TTLL5: variants seen among roughly 807,000 people sequenced by gnomAD.
TTLL5 encodes the protein tubulin polyglutamylase TTLL5.
Under a neutral mutation model 168.4 loss-of-function variants are expected in TTLL5, and 132 were observed. The ratio of observed to expected loss-of-function variants is 0.78; its 90% CI spans 0.68 to 0.91. TTLL5 has a LOEUF of 0.91. Among genes scored for constraint, TTLL5 ranks in the 40% least tolerant of loss-of-function variants. The pLI, the probability that TTLL5 is intolerant of heterozygous loss-of-function variation, is 0.00. For missense variants in TTLL5, 1,545 were observed against 1,581.5 expected (o/e 0.98, Z 0.39); for synonymous variants, 546 against 558.6 (o/e 0.98, Z 0.32).
chr14:75,938,101 G>A (rs2140185798), intron 31 of TTLL5, among the ~76,000 whole-genome samples: 1 of 152,298 alleles, frequency 6.6e-6, no homozygotes, highest in Middle Eastern at 3.4e-3. Context: ...TTAAACATTG[G>A]TAACTGAGAT....
At chr14:75,888,073 G>A (rs2032206757) in intron 30 of TTLL5, among the ~76,000 whole-genome samples, 1 of 152,146 alleles carries the variant, frequency 6.6e-6, no homozygotes, top group Non-Finnish European at 1.5e-5. Flanking sequence ...AGGGCCTGAG[G>A]GTAGAAAGGA....
chr14:75,811,778 C>T (rs1377752266), intron 27 of TTLL5, among the ~76,000 whole-genome samples: 1 of 152,196 alleles, frequency 6.6e-6, no homozygotes. Context: ...AAACCCTCTT[C>T]ACATACCAAA....
rs2034057473 is a variant in TTLL5, at chr14:75,926,156, C to CTTTTTTTGCTTTTTTT, written c.3823+23939_3823+23940insGCTTTTTTTTTTTTTT. 1.3e-4 allele frequency among the ~76,000 whole-genome samples: 4 copies of CTTTTTTTGCTTTTTTT among 29,952 alleles called. No homozygotes were observed. In the East Asian group the frequency reaches 5.3e-3, roughly 40 times the overall value. The allele number at this position is 29,952 out of a possible 152,430, so 19.6% of individuals were successfully genotyped here. Reference sequence around the variant, plus strand: ...TTAAAGACTAGGATTGCAACCCCAGCTTTTTTTTTTTTTTTTTTTTTTTTT... The same window carrying CTTTTTTTGCTTTTTTT: ...TTAAAGACTAGGATTGCAACCCCAGCTTTTTTTGCTTTTTTTTTTTTTTTTTTTTTTTTTTTTTTTT... On this transcript the variant is annotated intron_variant, in intron 31 of 31. Coordinates refer to ENST00000298832, the MANE Select transcript of TTLL5 (RefSeq NM_015072.5).
At position 75,690,857 on chromosome 14, in the gene TTLL5, G is replaced by A. The variant is rs1439644687; in HGVS notation, c.502+535G>A. Among the ~76,000 whole-genome samples, 4 of 152,064 alleles carry A rather than the reference G, an allele frequency of 2.6e-5. No homozygotes were observed. The South Asian group carries it at 8.3e-4, about 32-fold the overall frequency. On this transcript the variant is annotated intron_variant, in intron 6 of 31. Transcript: ENST00000298832. Reference sequence around the variant, plus strand: ...CTGGTCTTGAACACCTGGGCTCAAAGGATCCTCCACTCTTGGCTTCGCAAA... The same window carrying A: ...CTGGTCTTGAACACCTGGGCTCAAAAGATCCTCCACTCTTGGCTTCGCAAA...
intron 5 of TTLL5, chr14:75,689,425 A>G (rs968048721): frequency 2.6e-5 from 4 of 152,256 alleles, no homozygotes; most frequent in African/African-American, 9.6e-5. Flanking sequence ...TTGTACAGCA[A>G]TAAATAACTA....
intron 12 of TTLL5, among the ~76,000 whole-genome samples, chr14:75,730,557 A>G (rs995250815): frequency 6.6e-5 from 10 of 152,196 alleles, no homozygotes; most frequent in Admixed American, 3.3e-4. Flanking sequence ...GAGGATTTAG[A>G]ATATGAATGT....
At chr14:75,704,897 G>A (rs1886542608) in intron 7 of TTLL5, among the ~76,000 whole-genome samples, 1 of 152,188 alleles carries the variant, frequency 6.6e-6, no homozygotes. Flanking sequence ...AGCAAGGGAG[G>A]AGAGGAAATG....
At chr14:75,896,300 G>T (rs994456495) in intron 30 of TTLL5, among the ~76,000 whole-genome samples, 2 of 152,044 alleles carry the variant, frequency 1.3e-5, no homozygotes, top group African/African-American at 4.8e-5. Context: ...GAAAAGTCAG[G>T]GTATGTATTT....
intron 31 of TTLL5, among the ~76,000 whole-genome samples, chr14:75,924,587 C>G (rs546351242): frequency 6.6e-6 from 1 of 151,972 alleles, no homozygotes; most frequent in South Asian, 2.1e-4. Context: ...TTTCAGAGAG[C>G]ACAGGGTTGG....
chr14:75,755,634 A>G (rs1489488684), intron 18 of TTLL5, among the ~76,000 whole-genome samples: 1 of 152,082 alleles, frequency 6.6e-6, no homozygotes, highest in Non-Finnish European at 1.5e-5. Context: ...TGTTATGTTC[A>G]TCTTTGTCAG....
At position 75,662,910 on chromosome 14, in the gene TTLL5, A is replaced by G. The variant is rs139773373; in HGVS notation, c.-95-145A>G. 4.2e-4 allele frequency: 262 copies of G among 619,252 alleles called. 2 individuals are homozygous for G. The highest frequency in any genetic ancestry group is 2.8e-3 in the South Asian group (148 of 52,932). 38.4% of individuals were successfully genotyped at this position (619,252 alleles called of 1,614,324 possible). On this transcript the variant is annotated intron_variant, in intron 1 of 31. Transcript: ENST00000298832. ...AGGCACATATTGAGGCACATTCCAT[A>G]TGTTATGGAAAGTAAACTTCTAGAG... is the stretch of plus-strand genomic sequence containing the variant.
chr14:75,813,194 C>CTA, intron 27 of TTLL5, among the ~76,000 whole-genome samples: 1 of 142,526 alleles, frequency 7.0e-6, no homozygotes, highest in East Asian at 2.0e-4. Context: ...CTGGAACAAG[C>CTA]TGTGTGTGTG....
Position 75,824,058 on chromosome 14 carries a change from TCA to T in TTLL5, c.3326+3898_3326+3899del, listed in dbSNP as rs929391803. On this transcript the variant is annotated intron_variant, in intron 28 of 31. Coordinates refer to ENST00000298832, the MANE Select transcript of TTLL5 (RefSeq NM_015072.5). ...TCTCTAACTTCTCATCTTTTCATTC[TCA>T]GTCAGTCCTCAGAAATACTGAATTT... is the stretch of plus-strand genomic sequence containing the variant. Among the ~76,000 whole-genome samples the T allele has an allele frequency of 2.6e-5, 4 of 152,244 alleles. No homozygotes were observed. The East Asian group carries it at 7.7e-4, about 29-fold the overall frequency.
intron 31 of TTLL5, among the ~76,000 whole-genome samples, chr14:75,903,123 A>G (rs2032997535): frequency 6.6e-6 from 1 of 152,224 alleles, no homozygotes; most frequent in Admixed American, 6.5e-5. Context: ...TATATTCCCC[A>G]TTTATGGCTG....
At chr14:75,887,410 C>A in intron 30 of TTLL5, 1 of 810,382 alleles carries the variant, frequency 1.2e-6, no homozygotes, top group Non-Finnish European at 1.5e-6. Flanking sequence ...TAGAAGATAC[C>A]ATATTGTGTG....
chr14:75,855,356 G>GT (rs1897080226), intron 28 of TTLL5, among the ~76,000 whole-genome samples: 4 of 152,150 alleles, frequency 2.6e-5, no homozygotes, highest in African/African-American at 7.2e-5. Flanking sequence ...ACTGGAGGGT[G>GT]AACAAAAGCT....
At chr14:75,781,957 C>T (rs1039810424) in intron 24 of TTLL5, among the ~76,000 whole-genome samples, 7 of 69,434 alleles carry the variant, frequency 1.0e-4, no homozygotes, top group Admixed American at 1.7e-4. Context: ...AAACTTTGTT[C>T]AAAAAAAAAA....
chr14:75,880,855 A>G (rs966983028), intron 29 of TTLL5, among the ~76,000 whole-genome samples: 2 of 152,178 alleles, frequency 1.3e-5, no homozygotes, highest in African/African-American at 2.4e-5. Context: ...CCATGTGTAC[A>G]TGCTCAACAG....
intron 31 of TTLL5, among the ~76,000 whole-genome samples, chr14:75,927,364 T>TC (rs1375088879): frequency 6.6e-6 from 1 of 152,052 alleles, no homozygotes; most frequent in Non-Finnish European, 1.5e-5. Flanking sequence ...CCATTAACCA[T>TC]CCCCCCGTTT....
Sources: gnomAD v4.1 joint callset for allele counts (sites outside exome capture counted in the v4.1 genomes callset) on GRCh38, gnomAD v4.1.1 for gene constraint, MANE v1.5 for transcripts, NCBI Gene and HGNC (gene_info 2026-07-23, HGNC 2026-07-21) for gene names.